Variants in EFR3A observed in about 807,000 individuals in gnomAD.
EFR3A encodes the protein protein EFR3 homolog A.
A neutral mutation model predicts 104.4 loss-of-function variants in EFR3A; 76 were observed. The ratio of observed to expected loss-of-function variants is 0.73; its 90% CI spans 0.60 to 0.88. The LOEUF (loss-of-function observed/expected upper bound fraction) is 0.88, where lower values mean the gene tolerates loss of function less well. Among genes scored for constraint, EFR3A ranks in the 40% least tolerant of loss-of-function variants. The probability of loss-of-function intolerance (pLI) is 0.00; values close to 1 mark genes in which losing one functional copy is unlikely to be tolerated. For missense variants in EFR3A, 985 were observed against 1,012.5 expected, an observed-to-expected ratio of 0.97 and a Z score of 0.37; for synonymous variants, 330 against 330.0, an observed-to-expected ratio of 1.00 and a Z score of 0.00.
At chr8:131,928,916 T>G (rs548838180) in intron 1 of EFR3A, among the ~76,000 whole-genome samples, 1 of 152,240 alleles carries the variant, frequency 6.6e-6, no homozygotes, top group African/African-American at 2.4e-5. Context: ...GTAATTTTCT[T>G]TCTGTTTATT....
In EFR3A at chr8:131,931,518, A is replaced by G. The variant is rs1817609319; in HGVS notation, c.11-8981A>G. ...TAGCTTTGTTTTTAGTAAAAGAACTATATATTTTGTTTTCTGTAATGTTGA... is the reference window on the plus strand; with the variant it reads ...TAGCTTTGTTTTTAGTAAAAGAACTGTATATTTTGTTTTCTGTAATGTTGA... On this transcript the variant is annotated intron_variant, in intron 1 of 22. Coordinates refer to ENST00000254624, the MANE Select transcript of EFR3A (RefSeq NM_015137.6). 2.0e-5 allele frequency among the ~76,000 whole-genome samples: 3 copies of G among 152,258 alleles called. No individual in the cohort carries two copies. In the South Asian group the frequency reaches 6.2e-4, roughly 32 times the overall value.
At chr8:131,977,647 T>C (rs868641045) in intron 12 of EFR3A, among the ~76,000 whole-genome samples, 1 of 152,206 alleles carries the variant, frequency 6.6e-6, no homozygotes, top group Non-Finnish European at 1.5e-5. Context: ...CTAGCACATA[T>C]GCGTCCTCTC....
chr8:131,950,100 AT>A lies in EFR3A; in HGVS notation c.488+14del. 1.3e-6 allele frequency: 2 copies of A among 1,593,002 alleles called. No homozygotes were observed. Among genetic ancestry groups the A allele is most frequent in the Non-Finnish European group, 1.7e-6 (2 of 1,168,202 alleles). On this transcript the variant is annotated intron_variant, in intron 5 of 22. Transcript: ENST00000254624. ...CAGAAATACGAACAGAGTATGTATTATTTTACTTTATGATCTATAGTAAGTA... is the reference window on the plus strand; with the variant it reads ...CAGAAATACGAACAGAGTATGTATTATTTACTTTATGATCTATAGTAAGTA...
At position 131,967,725 on chromosome 8, in the gene EFR3A, TCTC is replaced by T. The variant is rs1380219317; in HGVS notation, c.856-567_856-565del. The stretch of plus-strand genomic sequence containing the variant: ...TTTGTTAATTGCACATCTTTTGAGA[TCTC>T]CTTGATTTAAATTTTGTCAGGTACA... On this transcript the variant is annotated intron_variant, in intron 8 of 22. Coordinates refer to ENST00000254624, the MANE Select transcript of EFR3A (RefSeq NM_015137.6). 5.3e-5 allele frequency among the ~76,000 whole-genome samples: 8 copies of T among 152,168 alleles called. No homozygotes were observed. In the East Asian group the frequency reaches 1.5e-3, roughly 29 times the overall value.
Position 132,010,941 on chromosome 8 carries a change from T to A in EFR3A, c.*46T>A, listed in dbSNP as rs1193091491. 6.6e-7 allele frequency: 1 copy of A among 1,526,130 alleles called. No individual in the cohort carries two copies. The highest frequency in any genetic ancestry group is 8.9e-7 in the Non-Finnish European group (1 of 1,120,146). The allele number at this position is 1,526,130 out of a possible 1,614,324, so 94.5% of individuals were successfully genotyped here. A position where few individuals can be genotyped will look rare whatever the true frequency, so the allele number is the denominator to read the frequency against. ...GATATGATTTGTAAAGCCTAAAAATTAAGGCCAAGCTGAGCTTTCAGGGTT... is the reference window on the plus strand; with the variant it reads ...GATATGATTTGTAAAGCCTAAAAATAAAGGCCAAGCTGAGCTTTCAGGGTT... On this transcript the variant is annotated 3_prime_UTR_variant, in exon 23 of 23. Coordinates refer to ENST00000254624, the MANE Select transcript of EFR3A (RefSeq NM_015137.6).
rs1821832963 is a variant in EFR3A, at chr8:132,002,538, G to A, written c.2207-65G>A. The A allele has an allele frequency of 1.6e-5, 21 of 1,338,834 alleles. No homozygotes were observed. In the South Asian group the frequency reaches 1.7e-4, roughly 11 times the overall value. The allele number at this position is 1,338,834 out of a possible 1,614,324, so 82.9% of individuals were successfully genotyped here. ...GATGATATATCATTAACTCTTAACG[G>A]TCATTGACTGGGTTCTGTGAAATTA... On this transcript the variant is annotated intron_variant, in intron 20 of 22. Coordinates refer to ENST00000254624, the MANE Select transcript of EFR3A (RefSeq NM_015137.6).
At chr8:131,960,625 G>T (rs1819263273) in intron 8 of EFR3A, among the ~76,000 whole-genome samples, 1 of 152,110 alleles carries the variant, frequency 6.6e-6, no homozygotes, top group Admixed American at 6.5e-5. Context: ...CATAAAATTG[G>T]TGCAGGTATC....
At chr8:131,934,363 T>A (rs1244577601) in intron 1 of EFR3A, among the ~76,000 whole-genome samples, 1 of 152,146 alleles carries the variant, frequency 6.6e-6, no homozygotes, top group Non-Finnish European at 1.5e-5. Context: ...AGTATCCAGT[T>A]CGAGTTCCAT....
intron 8 of EFR3A, among the ~76,000 whole-genome samples, chr8:131,960,895 C>G (rs1235146381): frequency 6.6e-6 from 1 of 152,226 alleles, no homozygotes; most frequent in Non-Finnish European, 1.5e-5. Context: ...GCAACATTTG[C>G]TGTTCACCTG....
intron 5 of EFR3A, among the ~76,000 whole-genome samples, chr8:131,951,856 G>A (rs1018423934): frequency 4.6e-5 from 7 of 151,878 alleles, no homozygotes; most frequent in African/African-American, 1.7e-4. Context: ...TACTTAGTTT[G>A]ATTATTTCTG....
At chr8:131,977,991 A>G (rs1820410289) in intron 12 of EFR3A, among the ~76,000 whole-genome samples, 1 of 152,074 alleles carries the variant, frequency 6.6e-6, no homozygotes, top group African/African-American at 2.4e-5. Flanking sequence ...TTATGTTTAT[A>G]TGTGGTATGA....
chr8:131,975,889 C>T, intron 10 of EFR3A, 138 bp from the exon 11 acceptor site: 2 of 609,424 alleles, frequency 3.3e-6, no homozygotes, highest in Non-Finnish European at 5.8e-6. Context: ...TTGTAATATC[C>T]TTTAATGTTA....
At position 131,970,398 on chromosome 8, in the gene EFR3A, T is replaced by A. The variant is rs1451244005; in HGVS notation, c.992-78T>A. 74 of 1,307,390 alleles carry A rather than the reference T, an allele frequency of 5.7e-5. No homozygotes were observed. The South Asian group carries it at 9.1e-4, about 16-fold the overall frequency. The allele number at this position is 1,307,390 out of a possible 1,614,324, so 81.0% of individuals were successfully genotyped here. On this transcript the variant is annotated intron_variant, in intron 9 of 22. Transcript: ENST00000254624. ...TATTTAGAAAATTACAGAAACAATC[T>A]GTGGAGAAATAAGGTAATTGACTTC... is the stretch of plus-strand genomic sequence containing the variant.
At position 131,978,900 on chromosome 8, in the gene EFR3A, C is replaced by A; in HGVS notation, c.1380C>A (p.Phe460Leu). 1 of 1,612,724 alleles carries A rather than the reference C, an allele frequency of 6.2e-7. No individual in the cohort carries two copies. Among genetic ancestry groups the A allele is most frequent in the Non-Finnish European group, 8.5e-7 (1 of 1,179,174 alleles). The change falls in exon 13 of 23, where the codon TTC becomes TTA. Residue 460 changes from phenylalanine (F) to leucine (L), a missense_variant. Physicochemically the swap from Phe to Leu is conservative, Grantham distance 22. Coordinates refer to ENST00000254624, the MANE Select transcript of EFR3A (RefSeq NM_015137.6). The stretch of plus-strand genomic sequence containing the variant: ...TTGTTACTGCACTGCCAGGGTCTTT[C>A]CTGGATCCTTTGTTATCACCATCTC... Reference protein sequence around the residue: ...KTIVTALPGSFLDPLLSPSLM... With the variant: ...KTIVTALPGSLLDPLLSPSLM...
chr8:131,904,112 G>T lies in EFR3A; in HGVS notation c.-201G>T. The T allele has an allele frequency of 2.0e-6, 1 of 511,822 alleles. No individual in the cohort carries two copies. The highest frequency in any genetic ancestry group is 3.0e-6 in the Non-Finnish European group (1 of 336,342). 31.7% of individuals were successfully genotyped at this position (511,822 alleles called of 1,614,324 possible). On this transcript the variant is annotated 5_prime_UTR_variant, in exon 1 of 23. Coordinates refer to ENST00000254624, the MANE Select transcript of EFR3A (RefSeq NM_015137.6). ...TGGGTCGTCCGTCGCGCCGCCCGGCGAGGAGTGGGCTGGCGGCGGTAGCTG... is the reference window on the plus strand; with the variant it reads ...TGGGTCGTCCGTCGCGCCGCCCGGCTAGGAGTGGGCTGGCGGCGGTAGCTG...
In EFR3A at chr8:131,967,926, T is replaced by C. The variant is rs190165466; in HGVS notation, c.856-369T>C. Among the ~76,000 whole-genome samples, 1,016 of 151,126 alleles carry C rather than the reference T, an allele frequency of 6.7e-3. 4 individuals are homozygous for C. The highest frequency in any genetic ancestry group is 0.017 in the Middle Eastern group (5 of 292). ...AATTTTGTCCTATTATAAAAGTTTA[T>C]AAATGCACTTTGAAATTACAGAGAA... On this transcript the variant is annotated intron_variant, in intron 8 of 22. Coordinates refer to ENST00000254624, the MANE Select transcript of EFR3A (RefSeq NM_015137.6).
intron 1 of EFR3A, among the ~76,000 whole-genome samples, chr8:131,918,328 A>T (rs1816842301): frequency 6.6e-6 from 1 of 152,164 alleles, no homozygotes; most frequent in African/African-American, 2.4e-5. Flanking sequence ...AAATTTAAAG[A>T]AGTCTTAGGC....
At chr8:131,954,266 TA>T (rs1818863824) in intron 6 of EFR3A, among the ~76,000 whole-genome samples, 1 of 152,114 alleles carries the variant, frequency 6.6e-6, no homozygotes, top group Non-Finnish European at 1.5e-5. Context: ...GGATACTACT[TA>T]AAGTTGCAAA....
chr8:131,974,471 G>A (rs1332607257), intron 10 of EFR3A, among the ~76,000 whole-genome samples: 3 of 152,110 alleles, frequency 2.0e-5, no homozygotes, highest in Non-Finnish European at 4.4e-5. Flanking sequence ...GACTAGGAAT[G>A]TATCTAGTTG....
Sources: gnomAD v4.1 joint callset for allele counts (sites outside exome capture counted in the v4.1 genomes callset) on GRCh38, gnomAD v4.1.1 for gene constraint, MANE v1.5 for transcripts, NCBI Gene and HGNC (gene_info 2026-07-23, HGNC 2026-07-21) for gene names.